The following ULK4 variants were observed in gnomAD, a reference collection of about 807,000 sequenced individuals.
ULK4 encodes inactive serine/threonine-protein kinase ULK4.
A neutral mutation model predicts 160.6 loss-of-function variants in ULK4; 133 were observed. The observed-to-expected ratio is 0.83, with a 90% CI of 0.72 to 0.96. The LOEUF is 0.96. ULK4 is among the 40% of genes least tolerant of loss of function. ULK4 has a pLI of 0.00. For missense variants in ULK4, 1,580 were observed against 1,499.5 expected (o/e 1.05, Z -0.89); for synonymous variants, 534 against 539.8 (o/e 0.99, Z 0.15).
In ULK4 at chr3:41,398,086, C is replaced by A; in HGVS notation, c.3671G>T (p.Arg1224Ile). The change falls in exon 35 of 37, where the codon AGA becomes ATA. Residue 1224 changes from arginine to isoleucine, a missense_variant. Physicochemically the swap from Arg to Ile is moderately conservative, Grantham distance 97 (BLOSUM62 -3). Coordinates refer to ENST00000301831, the MANE Select transcript of ULK4 (RefSeq NM_017886.4). ...KEQKLLLRIL[R>I]RMITSNEKHL... ...GTTTCTGTGTGAACTCACCATTCTT[C>A]TGAGAATCCTTAACAGAAGCTTCTG... is the stretch of plus-strand genomic sequence containing the variant. 1 of 1,612,260 alleles carries A rather than the reference C, an allele frequency of 6.2e-7. No homozygotes were observed. Among genetic ancestry groups the A allele is most frequent in the Non-Finnish European group, 8.5e-7 (1 of 1,179,168 alleles).
chr3:41,332,279 G>A (rs1288927846), intron 35 of ULK4, among the ~76,000 whole-genome samples: 4 of 151,798 alleles, frequency 2.6e-5, no homozygotes, highest in Non-Finnish European at 4.4e-5. Flanking sequence ...CAAAAGCACC[G>A]ATTATAAAGC....
rs936692145 is a variant in ULK4, at chr3:41,397,332, A to G, written c.3678+747T>C. Reference sequence around the variant, plus strand: ...CTTACAGTGGAATGCTGGGAGTTATAAATGTTGGGGATGAGAAAATTTCCA... The same window carrying G: ...CTTACAGTGGAATGCTGGGAGTTATGAATGTTGGGGATGAGAAAATTTCCA... On this transcript the variant is annotated intron_variant, in intron 35 of 36. Transcript: ENST00000301831. 3.9e-5 allele frequency among the ~76,000 whole-genome samples: 6 copies of G among 152,300 alleles called. No individual in the cohort carries two copies. In the South Asian group the frequency reaches 1.0e-3, roughly 26 times the overall value.
chr3:41,521,356 T>G (rs1384972612), intron 32 of ULK4, among the ~76,000 whole-genome samples: 2 of 152,194 alleles, frequency 1.3e-5, no homozygotes, highest in African/African-American at 4.8e-5. Flanking sequence ...GTCTCAGGCC[T>G]TCACTGATTA....
At chr3:41,384,460 G>A (rs1275270830) in intron 35 of ULK4, among the ~76,000 whole-genome samples, 1 of 152,192 alleles carries the variant, frequency 6.6e-6, no homozygotes, top group Non-Finnish European at 1.5e-5. Flanking sequence ...TTGGGAGGCT[G>A]AGGCAGGCGA....
chr3:41,856,575 GTGTATATATATACACA>G (rs1412811748), intron 17 of ULK4, among the ~76,000 whole-genome samples: 1,382 of 26,078 alleles, frequency 0.053, 26 homozygotes, highest in African/African-American at 0.15. Flanking sequence ...ATATATATAT[GTGTATATATATACACA>G]TATATATATA....
chr3:41,903,318 C>T (rs1698436922), intron 12 of ULK4, among the ~76,000 whole-genome samples: 3 of 152,150 alleles, frequency 2.0e-5, no homozygotes, highest in Admixed American at 2.0e-4. Context: ...GGCATGGTGG[C>T]TCACACCTGC....
chr3:41,709,066 T>C (rs962898472), intron 25 of ULK4, among the ~76,000 whole-genome samples: 11 of 152,206 alleles, frequency 7.2e-5, no homozygotes, highest in Non-Finnish European at 1.3e-4. Flanking sequence ...AATGCATCTA[T>C]ATGAATGGAA....
At chr3:41,858,286 G>T (rs570048014) in intron 17 of ULK4, among the ~76,000 whole-genome samples, 1 of 151,370 alleles carries the variant, frequency 6.6e-6, no homozygotes, top group South Asian at 2.1e-4. Context: ...CAGGTAGCTG[G>T]AATTACAGGC....
chr3:41,878,590 G>T (rs1261687788), intron 17 of ULK4, among the ~76,000 whole-genome samples: 1 of 146,608 alleles, frequency 6.8e-6, no homozygotes, highest in Non-Finnish European at 1.5e-5. Flanking sequence ...CAAATAGAAA[G>T]GAAATTACAG....
At chr3:41,633,661 G>C (rs1032363215) in intron 30 of ULK4, among the ~76,000 whole-genome samples, 2 of 152,170 alleles carry the variant, frequency 1.3e-5, no homozygotes, top group Non-Finnish European at 2.9e-5. Flanking sequence ...AACATGATCA[G>C]TTAGCAGATT....
At chr3:41,536,476 A>T (rs1301894405) in intron 32 of ULK4, among the ~76,000 whole-genome samples, 15 of 152,008 alleles carry the variant, frequency 9.9e-5, no homozygotes, top group Admixed American at 9.2e-4. Context: ...TCCACTTACA[A>T]CTTTTGACTC....
intron 35 of ULK4, among the ~76,000 whole-genome samples, chr3:41,392,050 T>C (rs1186861845): frequency 1.3e-5 from 2 of 152,088 alleles, no homozygotes; most frequent in Admixed American, 1.3e-4. Flanking sequence ...GTGTAGTCAA[T>C]ATTTTGAGTG....
chr3:41,821,521 C>G (rs182317549), intron 18 of ULK4, among the ~76,000 whole-genome samples: 1 of 152,310 alleles, frequency 6.6e-6, no homozygotes, highest in East Asian at 1.9e-4. Context: ...ATGGTTATAA[C>G]AGGACAGGTT....
chr3:41,603,856 A>G (rs1008494546), intron 31 of ULK4, among the ~76,000 whole-genome samples: 15 of 152,176 alleles, frequency 9.9e-5, no homozygotes, highest in Non-Finnish European at 1.8e-4. Flanking sequence ...ATTTACAAAT[A>G]TATTTTTAAA....
chr3:41,924,685 A>G (rs116541608), intron 5 of ULK4, among the ~76,000 whole-genome samples: 3,748 of 152,318 alleles, frequency 0.025, 50 homozygotes, highest in Non-Finnish European at 0.039. Context: ...ATGCAATTTA[A>G]GGACATTAAA....
intron 30 of ULK4, among the ~76,000 whole-genome samples, chr3:41,655,189 T>TA (rs1255163765): frequency 7.9e-5 from 12 of 151,874 alleles, no homozygotes; most frequent in Admixed American, 7.9e-4. Flanking sequence ...CATGGAATGC[T>TA]ACGCAGCCAT....
intron 22 of ULK4, among the ~76,000 whole-genome samples, chr3:41,728,630 C>T (rs1344799162): frequency 6.6e-6 from 1 of 151,996 alleles, no homozygotes; most frequent in African/African-American, 2.4e-5. Context: ...CATGGAACTA[C>T]TACAAAGGCT....
intron 8 of ULK4, chr3:41,915,568 C>G (rs1172047900): frequency 6.1e-6 from 1 of 163,326 alleles, no homozygotes; most frequent in Non-Finnish European, 1.3e-5. Context: ...GTCATAAAAC[C>G]TGTTTTTATG....
At chr3:41,379,381 G>T (rs1035879411) in intron 35 of ULK4, among the ~76,000 whole-genome samples, 2 of 152,134 alleles carry the variant, frequency 1.3e-5, no homozygotes, top group Non-Finnish European at 2.9e-5. Context: ...TTCAGGGAGG[G>T]TCATGATAGC....
Sources: allele counts gnomAD v4.1 joint callset (sites outside exome capture counted in the v4.1 genomes callset), GRCh38; gene constraint gnomAD v4.1.1; transcripts MANE v1.5; gene names NCBI Gene and HGNC (gene_info 2026-07-23, HGNC 2026-07-21).